The following TSPYL4 variants were observed in gnomAD, a reference collection of about 807,000 sequenced individuals.
TSPYL4 encodes the protein testis-specific Y-encoded-like protein 4.
In TSPYL4, 22 loss-of-function variants were observed where a neutral mutation model predicts 24.2. That is an observed-to-expected ratio of 0.91 (90% confidence interval 0.65 to 1.30). TSPYL4 has a LOEUF of 1.30. Ranked by LOEUF, TSPYL4 falls within the 50% of genes most tolerant of loss-of-function variation. The pLI, the probability that TSPYL4 is intolerant of heterozygous loss-of-function variation, is 0.00. For synonymous variants in TSPYL4, 211 were observed against 208.2 expected (o/e 1.01, Z -0.12); for missense variants, 569 against 536.7 (o/e 1.06, Z -0.60).
Position 116,250,954 on chromosome 6 carries a change from G to A in TSPYL4, c.*1810C>T, listed in dbSNP as rs11789. ...GTCCGTGAAAATCCACACAGATGCT[G>A]CACATCCCCTTATCCCCTACAAGGA... On this transcript the variant is annotated 3_prime_UTR_variant, in exon 1 of 1. Transcript: ENST00000420283. 79,739 of 371,478 alleles carry A rather than the reference G, an allele frequency of 0.21. 9,351 individuals are homozygous for A. Among genetic ancestry groups the A allele is most frequent in the East Asian group, 0.35 (9,209 of 26,008 alleles). 23.0% of individuals were successfully genotyped at this position (371,478 alleles called of 1,614,324 possible). A position where few individuals can be genotyped will look rare whatever the true frequency, so the allele number is the denominator to read the frequency against.
chr6:116,250,988 ATCT>A lies in TSPYL4; in HGVS notation c.*1773_*1775del, dbSNP rs1771942503. ...CTTATCCCCTACAAGGAGGCTGGAG[ATCT>A]TCCACAATGCAGGCTGCAGCCTGCT... On this transcript the variant is annotated 3_prime_UTR_variant, in exon 1 of 1. Coordinates refer to ENST00000420283, the MANE Select transcript of TSPYL4 (RefSeq NM_021648.5). 1 of 389,484 alleles carries A rather than the reference ATCT, an allele frequency of 2.6e-6. No homozygotes were observed. Among genetic ancestry groups the A allele is most frequent in the Non-Finnish European group, 4.5e-6 (1 of 220,964 alleles). 24.1% of individuals were successfully genotyped at this position (389,484 alleles called of 1,614,324 possible).
rs946413389 is a variant in TSPYL4, at chr6:116,251,947, G to A, written c.*817C>T. On this transcript the variant is annotated 3_prime_UTR_variant, in exon 1 of 1. Transcript: ENST00000420283. ...TTGCTGTGAGCTCCCTGGGAGCTAC[G>A]TCTACAGATAGTTCCTGATGAGGCA... The A allele has an allele frequency of 2.0e-5, 3 of 152,390 alleles. No individual in the cohort carries two copies. The highest frequency in any genetic ancestry group is 1.9e-4 in the East Asian group (1 of 5,184). 9.4% of individuals were successfully genotyped at this position (152,390 alleles called of 1,614,324 possible). A position where few individuals can be genotyped will look rare whatever the true frequency, so the allele number is the denominator to read the frequency against.
At position 116,253,208 on chromosome 6, in the gene TSPYL4, C is replaced by T. The variant is rs199879512; in HGVS notation, c.801G>A (p.Met267Ile). 6.2e-4 allele frequency: 1,008 copies of T among 1,614,122 alleles called. 1 individual carries two copies. Among genetic ancestry groups the T allele is most frequent in the Non-Finnish European group, 7.7e-4 (909 of 1,179,982 alleles). Residue 267 changes from methionine to isoleucine, a missense_variant, in exon 1 of 1, where the codon ATG becomes ATA. Coordinates refer to ENST00000420283, the MANE Select transcript of TSPYL4 (RefSeq NM_021648.5). The surrounding 1 kb of genome is among the most constrained non-coding windows in gnomAD (Gnocchi z 4.3). ...GCATGTCTTCATCTTGGCCACTGATCATAGGTGACAGCTGGGGGTGGTTTC... is the reference window on the plus strand; with the variant it reads ...GCATGTCTTCATCTTGGCCACTGATTATAGGTGACAGCTGGGGGTGGTTTC... ...AFRNHPQLSP[M>I]ISGQDEDMLR...
rs1021065417 is a variant in TSPYL4, at chr6:116,253,504, C to T, written c.505G>A (p.Ala169Thr). The change falls in exon 1 of 1, where the codon GCA becomes ACA. Residue 169 changes from alanine to threonine, a missense_variant. Transcript: ENST00000420283. This position sits in a 1 kb window ranked among gnomAD's most constrained non-coding sequence, Gnocchi z 4.3. ...TTCTTTTCCTCCATCGCCGCCCCTG[C>T]TTCTCCCTCCTTTTCCACTGCTGCC... ...ISAAVEKEGEAGAAMEEKKVV... is the reference protein window; with the variant it reads ...ISAAVEKEGETGAAMEEKKVV... 1.9e-6 allele frequency: 3 copies of T among 1,551,704 alleles called. No individual in the cohort carries two copies. The highest frequency in any genetic ancestry group is 2.6e-6 in the Non-Finnish European group (3 of 1,147,026).
rs1771978071 is a variant in TSPYL4, at chr6:116,252,893, A to T, written c.1116T>A (p.Ile372=). Residue 372 remains isoleucine, a synonymous_variant, in exon 1 of 1, where the codon ATT becomes ATA. Coordinates refer to ENST00000420283, the MANE Select transcript of TSPYL4 (RefSeq NM_021648.5). ...SLLEFDRIAE[I]IKGELWPNPL... is the part of the protein sequence containing the mutation. ...GATTGGGCCACAGTTCTCCTTTGAT[A>T]ATCTCTGCAATTCTGTCGAATTCTA... 1 of 1,609,022 alleles carries T rather than the reference A, an allele frequency of 6.2e-7. No individual in the cohort carries two copies. The highest frequency in any genetic ancestry group is 8.5e-7 in the Non-Finnish European group (1 of 1,177,314).
Position 116,253,847 on chromosome 6 carries a change from C to T in TSPYL4, c.162G>A (p.Leu54=). The T allele has an allele frequency of 1.2e-6, 2 of 1,613,164 alleles. No individual in the cohort carries two copies. Among genetic ancestry groups the T allele is most frequent in the African/African-American group, 1.3e-5 (1 of 75,054 alleles). ...QVMANTGGGS[L]ETVAEGGASQ... ...ATGCACCCCCCTCCGCAACGGTCTC[C>T]AGGCTGCCCCCACCTGTGTTCGCCA... The change falls in exon 1 of 1, where the codon CTG becomes CTA. Residue 54 remains leucine, a synonymous_variant. Coordinates refer to ENST00000420283, the MANE Select transcript of TSPYL4 (RefSeq NM_021648.5). The surrounding 1 kb of genome is among the most constrained non-coding windows in gnomAD (Gnocchi z 4.3).
Position 116,253,814 on chromosome 6 carries a change from A to C in TSPYL4, c.195T>G (p.Asp65Glu), listed in dbSNP as rs187133419. 4.4e-3 allele frequency: 7,146 copies of C among 1,609,726 alleles called. 48 individuals are homozygous for C. Among genetic ancestry groups the C allele is most frequent in the Middle Eastern group, 0.021 (128 of 6,052 alleles). Residue 65 changes from aspartate (D) to glutamate (E), a missense_variant, in exon 1 of 1, where the codon GAT becomes GAG. By Grantham distance (45) the Asp-to-Glu change is conservative (BLOSUM62 2). Coordinates refer to ENST00000420283, the MANE Select transcript of TSPYL4 (RefSeq NM_021648.5). This position sits in a 1 kb window ranked among gnomAD's most constrained non-coding sequence, Gnocchi z 4.3. ...GGAGCGCGGGGCCACAGTCGACAGG[A>C]TCCTGGGATGCACCCCCCTCCGCAA... ...ETVAEGGASQ[D>E]PVDCGPALRV... is the part of the protein sequence containing the mutation.
rs1382210400 is a variant in TSPYL4, at chr6:116,253,773, C to G, written c.236G>C (p.Gly79Ala). 6.2e-7 allele frequency: 1 copy of G among 1,601,236 alleles called. No homozygotes were observed. Among genetic ancestry groups the G allele is most frequent in the East Asian group, 2.3e-5 (1 of 44,368 alleles). The change falls in exon 1 of 1, where the codon GGG becomes GCG. Residue 79 changes from glycine to alanine, a missense_variant. Gly to Ala is a moderately conservative substitution (Grantham distance 60, BLOSUM62 0). Coordinates refer to ENST00000420283, the MANE Select transcript of TSPYL4 (RefSeq NM_021648.5). This position sits in a 1 kb window ranked among gnomAD's most constrained non-coding sequence, Gnocchi z 4.3. ...CGPALRVPVA[G>A]SRGGAATKAG... is the part of the protein sequence containing the mutation. ...TTTGGTCGCTGCACCGCCGCGACTC[C>G]CGGCAACTGGGACGCGGAGCGCGGG... is the stretch of plus-strand genomic sequence containing the variant.
chr6:116,253,348 CCTGGGCATTTACGT>C lies in TSPYL4; in HGVS notation c.647_660del (p.Asn216SerfsTer2), dbSNP rs1378111340. ...TCAAGCTGAAGGAAGGCCCTGTCAGCCTGGGCATTTACGTTTGACAACTCTTGATCGATGGCCTC... is the reference window on the plus strand; with the variant it reads ...TCAAGCTGAAGGAAGGCCCTGTCAGCTTGACAACTCTTGATCGATGGCCTC... On this transcript the variant is annotated frameshift_variant, in exon 1 of 1. Coordinates refer to ENST00000420283, the MANE Select transcript of TSPYL4 (RefSeq NM_021648.5). LOFTEE classifies it high-confidence loss of function. The surrounding 1 kb of genome is among the most constrained non-coding windows in gnomAD (Gnocchi z 4.3). 1 of 1,560,412 alleles carries C rather than the reference CCTGGGCATTTACGT, an allele frequency of 6.4e-7. No homozygotes were observed. The highest frequency in any genetic ancestry group is 1.4e-5 in the African/African-American group (1 of 73,484).
At position 116,252,755 on chromosome 6, in the gene TSPYL4, G is replaced by A; in HGVS notation, c.*9C>T. The A allele has an allele frequency of 1.9e-6, 3 of 1,578,644 alleles. No homozygotes were observed. The highest frequency in any genetic ancestry group is 2.6e-6 in the Non-Finnish European group (3 of 1,161,438). ...GAAACTTGTGCAGAAGCTTCTCACA[G>A]GACAGAGATTAGCCAGACTGGAACC... On this transcript the variant is annotated 3_prime_UTR_variant, in exon 1 of 1. Transcript: ENST00000420283.
In TSPYL4 at chr6:116,253,241, A is replaced by T. The variant is rs202095037; in HGVS notation, c.768T>A (p.Thr256=). The T allele has an allele frequency of 4.3e-6, 7 of 1,613,804 alleles. No homozygotes were observed. In the African/African-American group the frequency reaches 9.3e-5, roughly 22 times the overall value. The change falls in exon 1 of 1, where the codon ACT becomes ACA. Residue 256 remains threonine (T), a synonymous_variant. Transcript: ENST00000420283. This position sits in a 1 kb window ranked among gnomAD's most constrained non-coding sequence, Gnocchi z 4.3. ...ACAGCTGGGGGTGGTTTCGAAAGGC[A>T]GTAACCCAGAAACCTGGGATATTCT... ...IIQNIPGFWV[T]AFRNHPQLSP...
At position 116,253,763 on chromosome 6, in the gene TSPYL4, G is replaced by T; in HGVS notation, c.246C>A (p.Gly82=). 6.3e-7 allele frequency: 1 copy of T among 1,598,358 alleles called. No individual in the cohort carries two copies. ...ALRVPVAGSR[G]GAATKAGQED... ...CCTGCCCGGCTTTGGTCGCTGCACC[G>T]CCGCGACTCCCGGCAACTGGGACGC... Residue 82 remains glycine (G), a synonymous_variant, in exon 1 of 1, where the codon GGC becomes GGA. Transcript: ENST00000420283. The surrounding 1 kb of genome is among the most constrained non-coding windows in gnomAD (Gnocchi z 4.3).
chr6:116,252,595 C>G lies in TSPYL4; in HGVS notation c.*169G>C. The G allele has an allele frequency of 1.2e-6, 1 of 801,222 alleles. No individual in the cohort carries two copies. Among genetic ancestry groups the G allele is most frequent in the Non-Finnish European group, 1.9e-6 (1 of 525,004 alleles). The allele number at this position is 801,222 out of a possible 1,614,324, so 49.6% of individuals were successfully genotyped here. A position where few individuals can be genotyped will look rare whatever the true frequency, so the allele number is the denominator to read the frequency against. On this transcript the variant is annotated 3_prime_UTR_variant, in exon 1 of 1. Transcript: ENST00000420283. ...AGGCCCAGAGGAAGAATGGCACAGGCAGGTAAGCCAACAATCTTGCAACCG... is the reference window on the plus strand; with the variant it reads ...AGGCCCAGAGGAAGAATGGCACAGGGAGGTAAGCCAACAATCTTGCAACCG...
In TSPYL4 at chr6:116,252,370, C is replaced by A. The variant is rs915012280; in HGVS notation, c.*394G>T. 1.1e-5 allele frequency: 2 copies of A among 181,464 alleles called. No homozygotes were observed. Among genetic ancestry groups the A allele is most frequent in the Admixed American group, 5.4e-5 (1 of 18,620 alleles). 11.2% of individuals were successfully genotyped at this position (181,464 alleles called of 1,614,324 possible). On this transcript the variant is annotated 3_prime_UTR_variant, in exon 1 of 1. Transcript: ENST00000420283. ...GCCAGCATAAAGTATGAAGCCCAAT[C>A]AGTTATTTGTGAAAATGTATCAAGA...
Position 116,251,374 on chromosome 6 carries a change from AAT to A in TSPYL4, c.*1388_*1389del, listed in dbSNP as rs1455768659. ...GTAGAATGGATGGGGTAAAAAGATA[AAT>A]ATGTCAAAATCTGCCTAATTTAACA... On this transcript the variant is annotated 3_prime_UTR_variant, in exon 1 of 1. Coordinates refer to ENST00000420283, the MANE Select transcript of TSPYL4 (RefSeq NM_021648.5). The A allele has an allele frequency of 5.0e-6, 2 of 397,180 alleles. No homozygotes were observed. The highest frequency in any genetic ancestry group is 4.1e-5 in the African/African-American group (2 of 48,586). The allele number at this position is 397,180 out of a possible 1,614,324, so 24.6% of individuals were successfully genotyped here.
In TSPYL4 at chr6:116,253,463, T is replaced by C. The variant is rs1240229031; in HGVS notation, c.546A>G (p.Glu182=). Residue 182 remains glutamate, a synonymous_variant, in exon 1 of 1, where the codon GAA becomes GAG. Coordinates refer to ENST00000420283, the MANE Select transcript of TSPYL4 (RefSeq NM_021648.5). The surrounding 1 kb of genome is among the most constrained non-coding windows in gnomAD (Gnocchi z 4.3). The stretch of plus-strand genomic sequence containing the variant: ...CTTTCACCCCTCCTGCCACCTTTTT[T>C]TCCTTCTGCACTACCTTCTTTTCCT... ...AMEEKKVVQK[E]KKVAGGVKEE... is the part of the protein sequence containing the mutation. 1 of 1,551,702 alleles carries C rather than the reference T, an allele frequency of 6.4e-7. No homozygotes were observed. The highest frequency in any genetic ancestry group is 2.4e-5 in the East Asian group (1 of 40,904).
rs1241830488 is a variant in TSPYL4 at position 116,253,503 on chromosome 6, G to A, written c.506C>T (p.Ala169Val). Reference protein sequence around the residue: ...ISAAVEKEGEAGAAMEEKKVV... With the variant: ...ISAAVEKEGEVGAAMEEKKVV... ...CTTCTTTTCCTCCATCGCCGCCCCTGCTTCTCCCTCCTTTTCCACTGCTGC... is the reference window on the plus strand; with the variant it reads ...CTTCTTTTCCTCCATCGCCGCCCCTACTTCTCCCTCCTTTTCCACTGCTGC... The change falls in exon 1 of 1, where the codon GCA becomes GTA. Residue 169 changes from alanine to valine, a missense_variant. Coordinates refer to ENST00000420283, the MANE Select transcript of TSPYL4 (RefSeq NM_021648.5). The surrounding 1 kb of genome is among the most constrained non-coding windows in gnomAD (Gnocchi z 4.3). 1.3e-6 allele frequency: 2 copies of A among 1,551,568 alleles called. No homozygotes were observed. Among genetic ancestry groups the A allele is most frequent in the Admixed American group, 3.9e-5 (2 of 50,978 alleles).
chr6:116,252,865 G>C lies in TSPYL4; in HGVS notation c.1144C>G (p.Leu382Val). ...CCTTCACCCATCAGGTAGTATTGTA[G>C]GGGATTGGGCCACAGTTCTCCTTTG... ...IIKGELWPNP[L>V]QYYLMGEGPR... is the part of the protein sequence containing the mutation. The change falls in exon 1 of 1, where the codon CTA (leucine) becomes GTA (valine). Residue 382 changes from leucine to valine, a missense_variant. Physicochemically the swap from Leu to Val is conservative, Grantham distance 32 (BLOSUM62 1). Coordinates refer to ENST00000420283, the MANE Select transcript of TSPYL4 (RefSeq NM_021648.5). The C allele has an allele frequency of 6.2e-7, 1 of 1,603,626 alleles. No individual in the cohort carries two copies. The highest frequency in any genetic ancestry group is 8.5e-7 in the Non-Finnish European group (1 of 1,174,538).
At position 116,252,917 on chromosome 6, in the gene TSPYL4, T is replaced by C. The variant is rs1258040367; in HGVS notation, c.1092A>G (p.Leu364=). 6.2e-7 allele frequency: 1 copy of C among 1,612,574 alleles called. No homozygotes were observed. Among genetic ancestry groups the C allele is most frequent in the Non-Finnish European group, 8.5e-7 (1 of 1,179,158 alleles). ...FFNWFSDHSL[L]EFDRIAEIIK... ...TAATCTCTGCAATTCTGTCGAATTC[T>C]AGAAGGCTGTGGTCTGAAAACCAGT... is the stretch of plus-strand genomic sequence containing the variant. The change falls in exon 1 of 1, where the codon CTA becomes CTG. Residue 364 remains leucine (L), a synonymous_variant. Transcript: ENST00000420283.
Sources: allele counts gnomAD v4.1 joint callset, GRCh38; gene constraint gnomAD v4.1.1; non-coding constraint Gnocchi (gnomAD v3.1); transcripts MANE v1.5; gene names NCBI Gene and HGNC (gene_info 2026-07-23, HGNC 2026-07-21).